Variants in CSMD1 observed in about 807,000 individuals in gnomAD.
CSMD1 encodes CUB and Sushi multiple domains 1, also known as CUB and sushi domain-containing protein 1.
In CSMD1, 213 loss-of-function variants were observed where a neutral mutation model predicts 417.5. The observed-to-expected ratio is 0.51, with a 90% CI of 0.46 to 0.57. The LOEUF (loss-of-function observed/expected upper bound fraction) is 0.57, where lower values mean the gene tolerates loss of function less well. Among genes scored for constraint, CSMD1 ranks in the 20% least tolerant of loss-of-function variants. The pLI is 0.00. For missense variants in CSMD1, 6,923 were observed against 4,529.7 expected, an observed-to-expected ratio of 1.53 and a Z score of -15.17; for synonymous variants, 2,862 against 1,736.8, an observed-to-expected ratio of 1.65 and a Z score of -16.11.
chr8:4,438,565 G>A (rs1798277453), intron 2 of CSMD1, among the ~76,000 whole-genome samples: 1 of 152,178 alleles, frequency 6.6e-6, no homozygotes, highest in South Asian at 2.1e-4. Flanking sequence ...TAAGCTGACG[G>A]GAGTGTGGGG....
rs182529924 is a variant in CSMD1 at position 3,254,658 on chromosome 8, C to T, written c.4154-24427G>A. On this transcript the variant is annotated intron_variant, in intron 26 of 69. Coordinates refer to ENST00000635120, the MANE Select transcript of CSMD1 (RefSeq NM_033225.6). ...ACTGATACCCTTTCTTCTAGTTGACCGAATTGGCTATTGAGACTTGTGCAT... is the reference window on the plus strand; with the variant it reads ...ACTGATACCCTTTCTTCTAGTTGACTGAATTGGCTATTGAGACTTGTGCAT... 7.2e-4 allele frequency among the ~76,000 whole-genome samples: 109 copies of T among 152,206 alleles called. No homozygotes were observed. In the East Asian group the frequency reaches 0.013, roughly 18 times the overall value.
chr8:4,536,181 T>G (rs68044239), intron 2 of CSMD1, among the ~76,000 whole-genome samples: 3 of 151,972 alleles, frequency 2.0e-5, no homozygotes, highest in East Asian at 1.9e-4. Context: ...TTTGTTTTAT[T>G]TGACTGCAAA....
intron 3 of CSMD1, among the ~76,000 whole-genome samples, chr8:4,304,977 G>C (rs1211371970): frequency 6.6e-6 from 1 of 152,072 alleles, no homozygotes; most frequent in African/African-American, 2.4e-5. Flanking sequence ...ACGTCTGGAT[G>C]GTAATGCCAA....
At chr8:3,883,902 T>G (rs1319776731) in intron 5 of CSMD1, among the ~76,000 whole-genome samples, 2 of 152,170 alleles carry the variant, frequency 1.3e-5, no homozygotes, top group African/African-American at 4.8e-5. Context: ...TAAATATAAA[T>G]TAAATATATG....
chr8:3,666,802 C>T (rs7814132), intron 7 of CSMD1, among the ~76,000 whole-genome samples: 2 of 151,884 alleles, frequency 1.3e-5, no homozygotes, highest in African/African-American at 2.4e-5. Context: ...TGTGAGGCCT[C>T]CTCAGCCATG....
intron 26 of CSMD1, among the ~76,000 whole-genome samples, chr8:3,279,362 T>C (rs1802560378): frequency 6.6e-6 from 1 of 152,214 alleles, no homozygotes; most frequent in Non-Finnish European, 1.5e-5. Context: ...ATTGGACTTC[T>C]TGTCAACTCG....
At chr8:4,799,211 G>C (rs1051164056) in intron 1 of CSMD1, among the ~76,000 whole-genome samples, 1 of 152,080 alleles carries the variant, frequency 6.6e-6, no homozygotes, top group Non-Finnish European at 1.5e-5. Context: ...AAAATGTTTT[G>C]AAAACTGTAA....
chr8:4,521,745 A>G (rs1803464039), intron 2 of CSMD1, among the ~76,000 whole-genome samples: 1 of 152,178 alleles, frequency 6.6e-6, no homozygotes, highest in African/African-American at 2.4e-5. Flanking sequence ...TAAGAACAGA[A>G]GGCATAGATT....
chr8:3,420,889 G>GA (rs1263714372), intron 12 of CSMD1, among the ~76,000 whole-genome samples: 2 of 151,948 alleles, frequency 1.3e-5, no homozygotes, highest in African/African-American at 4.8e-5. Flanking sequence ...CCATGATTGA[G>GA]AAAAATCACT....
chr8:3,343,147 C>T (rs918677504), intron 23 of CSMD1, 147 bp downstream of exon 23: 4 of 599,666 alleles, frequency 6.7e-6, no homozygotes, highest in Non-Finnish European at 1.2e-5. Flanking sequence ...AATATACAAC[C>T]AGTCAACAGA....
At chr8:3,454,470 T>C (rs1443293298) in intron 12 of CSMD1, among the ~76,000 whole-genome samples, 1 of 152,242 alleles carries the variant, frequency 6.6e-6, no homozygotes, top group Non-Finnish European at 1.5e-5. Context: ...CTTTCCATGT[T>C]TTGTGCTTCC....
chr8:4,043,667 A>C (rs549790132), intron 3 of CSMD1, among the ~76,000 whole-genome samples: 4 of 152,320 alleles, frequency 2.6e-5, no homozygotes, highest in African/African-American at 9.6e-5. Flanking sequence ...TTCCTGGGTG[A>C]AACCATACAT....
chr8:3,078,115 G>C (rs1386866567), intron 49 of CSMD1, among the ~76,000 whole-genome samples: 1 of 152,166 alleles, frequency 6.6e-6, no homozygotes, highest in Non-Finnish European at 1.5e-5. Context: ...GAGATATATA[G>C]TTGATCTCTA....
chr8:4,304,058 C>A (rs547916025), intron 3 of CSMD1, among the ~76,000 whole-genome samples: 9 of 152,262 alleles, frequency 5.9e-5, no homozygotes, highest in African/African-American at 2.2e-4. Context: ...CAGGGGATCA[C>A]AAAGCCTCGA....
chr8:3,997,513 A>G (rs1225877837), intron 5 of CSMD1, among the ~76,000 whole-genome samples: 1 of 152,238 alleles, frequency 6.6e-6, no homozygotes, highest in African/African-American at 2.4e-5. Flanking sequence ...ACAATCATAT[A>G]TCTGCAGCAG....
chr8:4,347,351 A>G (rs1445584101), intron 3 of CSMD1, among the ~76,000 whole-genome samples: 1 of 152,208 alleles, frequency 6.6e-6, no homozygotes, highest in Non-Finnish European at 1.5e-5. Context: ...TACATAATAT[A>G]ATCGATACTC....
chr8:4,215,467 A>C (rs1168712290), intron 3 of CSMD1, among the ~76,000 whole-genome samples: 1 of 150,132 alleles, frequency 6.7e-6, no homozygotes, highest in South Asian at 2.1e-4. Context: ...TTACACTGAG[A>C]AAAGAATTTG....
At chr8:4,663,214 A>G (rs761178163) in intron 1 of CSMD1, among the ~76,000 whole-genome samples, 13 of 152,176 alleles carry the variant, frequency 8.5e-5, no homozygotes, top group Non-Finnish European at 1.6e-4. Context: ...CCTGAGACAC[A>G]TTATCCCAGC....
At chr8:3,906,782 T>A (rs1463706256) in intron 5 of CSMD1, among the ~76,000 whole-genome samples, 2 of 152,192 alleles carry the variant, frequency 1.3e-5, no homozygotes, top group African/African-American at 4.8e-5. Context: ...ACTTTTATAT[T>A]GAACATATAT....
Sources: gnomAD v4.1 joint callset for allele counts (sites outside exome capture counted in the v4.1 genomes callset) on GRCh38, gnomAD v4.1.1 for gene constraint, MANE v1.5 for transcripts, NCBI Gene and HGNC (gene_info 2026-07-23, HGNC 2026-07-21) for gene names.